Variants in ANXA8 observed in about 807,000 individuals in gnomAD.
ANXA8 encodes the protein VAC-beta.
In ANXA8, 9 loss-of-function variants were observed where a neutral mutation model predicts 26.8. The ratio of observed to expected loss-of-function variants is 0.34; its 90% CI spans 0.20 to 0.59. The LOEUF (loss-of-function observed/expected upper bound fraction) is 0.59. Among genes scored for constraint, ANXA8 ranks in the 20% least tolerant of loss-of-function variants. The pLI is 0.84. For missense variants in ANXA8, 83 were observed against 238.5 expected, an observed-to-expected ratio of 0.35 and a Z score of 4.29; for synonymous variants, 39 against 94.8, an observed-to-expected ratio of 0.41 and a Z score of 3.42.
the ANXA8 span, among the ~76,000 whole-genome samples, chr10:47,654,086 G>T: frequency 1.3e-5 from 2 of 151,882 alleles, no homozygotes; most frequent in African/African-American, 4.9e-5. Context: ...TGTTGAGAAT[G>T]CCCTGAAAGC....
the ANXA8 span, among the ~76,000 whole-genome samples, chr10:47,772,138 T>C: frequency 6.6e-6 from 1 of 151,410 alleles, no homozygotes; most frequent in Non-Finnish European, 1.5e-5. Context: ...GGTGTCAGAA[T>C]GTGAAAAAAA....
the ANXA8 span, among the ~76,000 whole-genome samples, chr10:47,705,949 G>C: frequency 6.6e-6 from 1 of 150,888 alleles, no homozygotes; most frequent in Non-Finnish European, 1.5e-5. Flanking sequence ...GAGGCGGCGG[G>C]CCACGGCGCG....
chr10:47,703,599 T>C, the ANXA8 span, among the ~76,000 whole-genome samples: 37 of 148,444 alleles, frequency 2.5e-4, no homozygotes, highest in African/African-American at 9.1e-4. Context: ...AACACAAAAA[T>C]AGAGAATTAC....
At chr10:47,679,730 G>A in the ANXA8 span, among the ~76,000 whole-genome samples, 8 of 151,846 alleles carry the variant, frequency 5.3e-5, no homozygotes, top group African/African-American at 1.9e-4. Flanking sequence ...ACAAGCCTGG[G>A]CAACATAGTG....
the ANXA8 span, among the ~76,000 whole-genome samples, chr10:47,717,557 C>T: frequency 1.6e-5 from 2 of 127,220 alleles, no homozygotes; most frequent in Non-Finnish European, 3.2e-5. Flanking sequence ...CTCATCTTAC[C>T]GCCAGCAGAA....
In ANXA8 at chr10:47,483,942, C is replaced by T; in HGVS notation, c.-9G>A. 1.2e-6 allele frequency: 2 copies of T among 1,611,726 alleles called. No homozygotes were observed. Among genetic ancestry groups the T allele is most frequent in the South Asian group, 1.1e-5 (1 of 90,984 alleles). ...GATTTCCACCAGGCCATCTCTTTCA[C>T]CTCGGGGGCACCTTTCCCAGGGAGA... is the stretch of plus-strand genomic sequence containing the variant. On this transcript the variant is annotated 5_prime_UTR_variant, in exon 1 of 12. In the 5' UTR this introduces an upstream ATG that the reference lacks. Transcript: ENST00000585281.
the ANXA8 span, among the ~76,000 whole-genome samples, chr10:47,979,552 G>A: frequency 6.6e-6 from 1 of 151,568 alleles, no homozygotes; most frequent in East Asian, 1.9e-4. Flanking sequence ...GTTTGGGTGG[G>A]CCCAATCAAA....
chr10:47,580,343 TG>T, the ANXA8 span, among the ~76,000 whole-genome samples: 161 of 152,370 alleles, frequency 1.1e-3, no homozygotes, highest in Admixed American at 1.8e-3. Flanking sequence ...ATCTAACAAG[TG>T]CAGAATATAT....
chr10:47,515,908 AC>A, the ANXA8 span, among the ~76,000 whole-genome samples: 1 of 115,738 alleles, frequency 8.6e-6, no homozygotes, highest in Admixed American at 9.2e-5. Flanking sequence ...GCCAGGGACC[AC>A]CACACATTGG....
At chr10:47,560,602 C>T in the ANXA8 span, among the ~76,000 whole-genome samples, 10 of 151,892 alleles carry the variant, frequency 6.6e-5, no homozygotes, top group Admixed American at 2.6e-4. Context: ...TGCAGGGCAC[C>T]GTGCCAGATT....
At chr10:47,732,763 A>G in the ANXA8 span, among the ~76,000 whole-genome samples, 1 of 144,810 alleles carries the variant, frequency 6.9e-6, no homozygotes, top group African/African-American at 2.6e-5. Flanking sequence ...GGGGCTGATC[A>G]TCAAATGAGT....
the ANXA8 span, among the ~76,000 whole-genome samples, chr10:47,666,758 T>A: frequency 6.6e-6 from 1 of 151,964 alleles, no homozygotes; most frequent in African/African-American, 2.4e-5. Flanking sequence ...AGTCAAGTGG[T>A]CTTTCAGGGA....
chr10:47,743,928 G>C, the ANXA8 span, among the ~76,000 whole-genome samples: 2 of 139,300 alleles, frequency 1.4e-5, no homozygotes, highest in Non-Finnish European at 3.1e-5. Flanking sequence ...TTCTCAAAAA[G>C]CCAGGAGCAT....
At chr10:47,982,038 C>A in the ANXA8 span, among the ~76,000 whole-genome samples, 3 of 150,460 alleles carry the variant, frequency 2.0e-5, no homozygotes, top group South Asian at 6.4e-4. Context: ...CCTGTAATGC[C>A]AGCACTTTGG....
the ANXA8 span, among the ~76,000 whole-genome samples, chr10:47,607,396 T>A: frequency 1.3e-5 from 2 of 149,026 alleles, no homozygotes; most frequent in South Asian, 4.2e-4. Context: ...ACAGTATCAC[T>A]GTTCATCCAG....
chr10:47,585,602 G>A, the ANXA8 span, among the ~76,000 whole-genome samples: 2 of 146,724 alleles, frequency 1.4e-5, no homozygotes, highest in South Asian at 4.3e-4. Context: ...TGGGAGAAGG[G>A]AGGAAACGGG....
At chr10:47,558,125 A>G in the ANXA8 span, among the ~76,000 whole-genome samples, 24 of 151,966 alleles carry the variant, frequency 1.6e-4, no homozygotes, top group Non-Finnish European at 3.1e-4. Flanking sequence ...ACCAGTTAAC[A>G]TAAAATAACT....
chr10:47,726,858 CCGT>C, the ANXA8 span: 20 of 1,524,636 alleles, frequency 1.3e-5, no homozygotes, highest in Non-Finnish European at 1.7e-5. Flanking sequence ...TTAATGACTG[CCGT>C]TGATGGAAGA....
the ANXA8 span, among the ~76,000 whole-genome samples, chr10:47,645,924 G>C: frequency 1.3e-5 from 2 of 149,220 alleles, no homozygotes; most frequent in Non-Finnish European, 2.9e-5. Context: ...GGCTTAGGTT[G>C]AACTATATCA....
Sources: allele counts gnomAD v4.1 joint callset (sites outside exome capture counted in the v4.1 genomes callset), GRCh38; gene constraint gnomAD v4.1.1; transcripts MANE v1.5; gene names NCBI Gene and HGNC (gene_info 2026-07-23, HGNC 2026-07-21).